Variants in COPS4 observed in about 807,000 individuals in gnomAD.
COPS4 encodes COP9 signalosome complex subunit 4.
In COPS4, 8 loss-of-function variants were observed where a neutral mutation model predicts 55.1. That is an observed-to-expected ratio of 0.15 (90% CI 0.09 to 0.26). The LOEUF is 0.26. COPS4 is among the 10% of genes least tolerant of loss of function. COPS4 has a pLI of 1.00. For synonymous variants in COPS4, 185 were observed against 165.7 expected, an observed-to-expected ratio of 1.12 and a Z score of -0.90; for missense variants, 248 against 484.0, an observed-to-expected ratio of 0.51 and a Z score of 4.58.
At chr4:83,036,424 G>A (rs1466826270) in intron 1 of COPS4, among the ~76,000 whole-genome samples, 1 of 152,148 alleles carries the variant, frequency 6.6e-6, no homozygotes, top group Non-Finnish European at 1.5e-5. Context: ...GTTTTAAGTA[G>A]GCTAGGCTGC....
At chr4:83,050,987 A>C (rs1391788951) in intron 4 of COPS4, among the ~76,000 whole-genome samples, 1 of 151,758 alleles carries the variant, frequency 6.6e-6, no homozygotes, top group Non-Finnish European at 1.5e-5. Flanking sequence ...GACCAGGTAC[A>C]GTGGCTCACA....
At chr4:83,053,981 C>G (rs1419092634) in intron 4 of COPS4, among the ~76,000 whole-genome samples, 1 of 151,972 alleles carries the variant, frequency 6.6e-6, no homozygotes, top group East Asian at 1.9e-4. Context: ...GAGACTATTG[C>G]TTATTGTATT....
At position 83,038,424 on chromosome 4, in the gene COPS4, G is replaced by A. The variant is rs539824154; in HGVS notation, c.74+3126G>A. On this transcript the variant is annotated intron_variant, in intron 1 of 9. Transcript: ENST00000264389. Reference sequence around the variant, plus strand: ...AGACAGTCCATATCTGCTTGCCTATGAGCCCTTAACTCTAAACAAACACAT... The same window carrying A: ...AGACAGTCCATATCTGCTTGCCTATAAGCCCTTAACTCTAAACAAACACAT... Among the ~76,000 whole-genome samples the A allele has an allele frequency of 8.5e-5, 13 of 152,204 alleles. No homozygotes were observed. The South Asian group carries it at 2.7e-3, about 32-fold the overall frequency.
intron 6 of COPS4, among the ~76,000 whole-genome samples, chr4:83,060,793 T>C (rs1183653417): frequency 2.6e-5 from 4 of 151,440 alleles, no homozygotes; most frequent in Non-Finnish European, 5.9e-5. Flanking sequence ...CCAGCACTTT[T>C]GGGAGGCCGA....
At position 83,075,644 on chromosome 4, in the gene COPS4, G is replaced by C; in HGVS notation, c.*214G>C. The C allele has an allele frequency of 2.4e-6, 1 of 420,738 alleles. No homozygotes were observed. The highest frequency in any genetic ancestry group is 4.0e-6 in the Non-Finnish European group (1 of 248,254). The allele number at this position is 420,738 out of a possible 1,614,324, so 26.1% of individuals were successfully genotyped here. ...GGTCTCTGTGTATTAAGCTAACTCA[G>C]ATGTTTTGAAAGCTTTTTCTTTAAA... is the stretch of plus-strand genomic sequence containing the variant. On this transcript the variant is annotated 3_prime_UTR_variant, in exon 10 of 10. Coordinates refer to ENST00000264389, the MANE Select transcript of COPS4 (RefSeq NM_016129.3).
chr4:83,053,265 G>A (rs147815031), intron 4 of COPS4, among the ~76,000 whole-genome samples: 39 of 152,288 alleles, frequency 2.6e-4, no homozygotes, highest in African/African-American at 8.2e-4. Flanking sequence ...ACATGAGTAC[G>A]GGAAAGGAGT....
intron 4 of COPS4, among the ~76,000 whole-genome samples, chr4:83,050,742 A>G (rs1387915845): frequency 1.3e-5 from 2 of 152,168 alleles, no homozygotes; most frequent in African/African-American, 4.8e-5. Flanking sequence ...CAAAGGGGCA[A>G]GAGATCAGGG....
chr4:83,072,127 C>G (rs920138530), intron 9 of COPS4, among the ~76,000 whole-genome samples: 1 of 151,894 alleles, frequency 6.6e-6, no homozygotes, highest in Non-Finnish European at 1.5e-5. Context: ...TCTTGTTGCC[C>G]AGGCTGGAGT....
Position 83,049,999 on chromosome 4 carries a change from G to T in COPS4, c.410+15G>T. ...ACAGGACAAAAGTATAGTAAATAGT[G>T]GATATTGGATGACTATATATAGGAT... On this transcript the variant is annotated intron_variant, in intron 4 of 9. Coordinates refer to ENST00000264389, the MANE Select transcript of COPS4 (RefSeq NM_016129.3). 6.9e-7 allele frequency: 1 copy of T among 1,447,250 alleles called. No individual in the cohort carries two copies. Among genetic ancestry groups the T allele is most frequent in the Non-Finnish European group, 9.6e-7 (1 of 1,037,000 alleles). 89.7% of individuals were successfully genotyped at this position (1,447,250 alleles called of 1,614,324 possible). A position where few individuals can be genotyped will look rare whatever the true frequency, so the allele number is the denominator to read the frequency against.
intron 1 of COPS4, among the ~76,000 whole-genome samples, chr4:83,043,084 G>A (rs1730609114): frequency 6.6e-6 from 1 of 152,082 alleles, no homozygotes; most frequent in Non-Finnish European, 1.5e-5. Context: ...GGGAGTTTAT[G>A]TACACAATTT....
intron 1 of COPS4, among the ~76,000 whole-genome samples, chr4:83,039,351 A>G (rs1380402026): frequency 5.7e-4 from 87 of 152,200 alleles, no homozygotes; most frequent in Non-Finnish European, 8.8e-5. Flanking sequence ...CAAAAGACAA[A>G]CACATACAAG....
intron 9 of COPS4, among the ~76,000 whole-genome samples, chr4:83,071,034 T>A (rs1430437816): frequency 6.6e-6 from 1 of 152,236 alleles, no homozygotes; most frequent in African/African-American, 2.4e-5. Context: ...AATTTGAATA[T>A]CCTTAATCAG....
Position 83,049,456 on chromosome 4 carries a change from G to A in COPS4, c.306+139G>A, listed in dbSNP as rs528799849. The A allele has an allele frequency of 7.5e-6, 5 of 668,220 alleles. No individual in the cohort carries two copies. The African/African-American group carries it at 7.6e-5, about 10-fold the overall frequency. 41.4% of individuals were successfully genotyped at this position (668,220 alleles called of 1,614,324 possible). A position where few individuals can be genotyped will look rare whatever the true frequency, so the allele number is the denominator to read the frequency against. On this transcript the variant is annotated intron_variant, in intron 3 of 9. Coordinates refer to ENST00000264389, the MANE Select transcript of COPS4 (RefSeq NM_016129.3). Reference sequence around the variant, plus strand: ...AGTGTGCCAAACGACATTTTATGATGCAAAATCAAGTAAATATTAGGTTGT... The same window carrying A: ...AGTGTGCCAAACGACATTTTATGATACAAAATCAAGTAAATATTAGGTTGT...
intron 7 of COPS4, chr4:83,065,006 C>G: frequency 3.3e-6 from 2 of 610,272 alleles, no homozygotes; most frequent in South Asian, 3.3e-5. Context: ...TCCACCTCCC[C>G]AGAAGCTTAG....
intron 6 of COPS4, among the ~76,000 whole-genome samples, chr4:83,057,812 T>A (rs1413793302): frequency 7.0e-6 from 1 of 142,102 alleles, no homozygotes; most frequent in Non-Finnish European, 1.5e-5. Context: ...GTCCCAGCTG[T>A]GGGGGAGGCT....
intron 4 of COPS4, 126 bp from the exon 5 acceptor site, chr4:83,056,800 A>G: frequency 4.0e-6 from 3 of 758,762 alleles, no homozygotes; most frequent in Admixed American, 2.9e-5. Flanking sequence ...CTCCATCTCA[A>G]AAAAAAAGTT....
intron 4 of COPS4, among the ~76,000 whole-genome samples, chr4:83,056,314 A>G (rs1042441613): frequency 1.3e-5 from 2 of 152,140 alleles, no homozygotes; most frequent in Non-Finnish European, 2.9e-5. Flanking sequence ...GTTGGAGAGC[A>G]TATTTCCCAG....
Position 83,063,349 on chromosome 4 carries a change from C to T in COPS4, c.886+103C>T, listed in dbSNP as rs1731213334. The T allele has an allele frequency of 5.5e-6, 4 of 730,166 alleles. No individual in the cohort carries two copies. The South Asian group carries it at 1.3e-4, about 23-fold the overall frequency. 45.2% of individuals were successfully genotyped at this position (730,166 alleles called of 1,614,324 possible). On this transcript the variant is annotated intron_variant, in intron 7 of 9. Coordinates refer to ENST00000264389, the MANE Select transcript of COPS4 (RefSeq NM_016129.3). The stretch of plus-strand genomic sequence containing the variant: ...ATCTTTTAATAATAATTCTACATAA[C>T]ACTTCCTCATAAAAAAAGAGGAATT...
At chr4:83,068,335 G>A (rs1402825905) in intron 8 of COPS4, 103 bp from the exon 9 acceptor site, 4 of 743,572 alleles carry the variant, frequency 5.4e-6, no homozygotes, top group Non-Finnish European at 9.3e-6. Context: ...TATATGTAAA[G>A]TTTAGTGATG....
Sources: allele counts gnomAD v4.1 joint callset (sites outside exome capture counted in the v4.1 genomes callset), GRCh38; gene constraint gnomAD v4.1.1; transcripts MANE v1.5; gene names NCBI Gene and HGNC (gene_info 2026-07-23, HGNC 2026-07-21).